The following GDPD1 variants were observed in gnomAD, a reference collection of about 807,000 sequenced individuals.
GDPD1 encodes lysophospholipase D GDPD1.
GDPD1 carries 28 observed loss-of-function variants against 45.1 expected under a neutral mutation model. The ratio of observed to expected loss-of-function variants is 0.62; its 90% confidence interval spans 0.46 to 0.85. The LOEUF is 0.85. GDPD1 is among the 40% of genes least tolerant of loss of function. The pLI, the probability that GDPD1 is intolerant of heterozygous loss-of-function variation, is 0.00. For synonymous variants in GDPD1, 139 were observed against 131.4 expected (o/e 1.06, Z -0.40); for missense variants, 256 against 364.8 (o/e 0.70, Z 2.43).
rs369834778 is a variant in GDPD1, at chr17:59,267,186, C to T, written c.710+12C>T. 9 of 1,601,988 alleles carry T rather than the reference C, an allele frequency of 5.6e-6. No individual in the cohort carries two copies. Among genetic ancestry groups the T allele is most frequent in the Non-Finnish European group, 7.7e-6 (9 of 1,174,398 alleles). Reference sequence around the variant, plus strand: ...TCTATTATACTGAAGTAAGTGGTTACCCTTTTATTTTAAAATCAATTATCA... The same window carrying T: ...TCTATTATACTGAAGTAAGTGGTTATCCTTTTATTTTAAAATCAATTATCA... On this transcript the variant is annotated intron_variant, in intron 7 of 9. Coordinates refer to ENST00000284116, the MANE Select transcript of GDPD1 (RefSeq NM_182569.4).
intron 6 of GDPD1, among the ~76,000 whole-genome samples, chr17:59,261,519 C>CA (rs1315992735): frequency 6.6e-6 from 1 of 151,538 alleles, no homozygotes; most frequent in African/African-American, 2.4e-5. Context: ...TTATTTAAAA[C>CA]AAGGACTTGC....
intron 5 of GDPD1, among the ~76,000 whole-genome samples, chr17:59,257,496 C>G (rs182563068): frequency 9.2e-5 from 14 of 152,248 alleles, no homozygotes; most frequent in Admixed American, 2.0e-4. Context: ...TAATTATCTT[C>G]TAGTTTAACT....
rs146284668 is a variant in GDPD1, at chr17:59,268,305, G to A, written c.710+1131G>A. The stretch of plus-strand genomic sequence containing the variant: ...GAAAACACTTTTCATGGCCGGGCGC[G>A]GTGGCTCACGCCTGTAATCCCAGCA... On this transcript the variant is annotated intron_variant, in intron 7 of 9. Transcript: ENST00000284116. 5.2e-3 allele frequency among the ~76,000 whole-genome samples: 787 copies of A among 151,984 alleles called. 11 individuals carry two copies. The highest frequency in any genetic ancestry group is 0.018 in the African/African-American group (744 of 41,498).
chr17:59,256,271 C>G (rs1187554816), intron 4 of GDPD1, among the ~76,000 whole-genome samples: 1 of 151,894 alleles, frequency 6.6e-6, no homozygotes, highest in East Asian at 1.9e-4. Context: ...GAGCTGAGAT[C>G]GTGTCACTGC....
At chr17:59,255,598 C>A (rs1356626637) in intron 4 of GDPD1, among the ~76,000 whole-genome samples, 1 of 148,932 alleles carries the variant, frequency 6.7e-6, no homozygotes, top group Non-Finnish European at 1.5e-5. Context: ...AAAAAATTAG[C>A]CAGGTGTGGT....
chr17:59,221,673 T>C (rs961045328), intron 1 of GDPD1, among the ~76,000 whole-genome samples: 9 of 152,170 alleles, frequency 5.9e-5, no homozygotes, highest in Admixed American at 2.6e-4. Flanking sequence ...ATAATGTGTC[T>C]TCATTGCATT....
At position 59,245,471 on chromosome 17, in the gene GDPD1, A is replaced by G. The variant is rs1377236376; in HGVS notation, c.243A>G (p.Glu81=). Residue 81 remains glutamate (E), a synonymous_variant, in exon 3 of 10, where the codon GAA becomes GAG. Transcript: ENST00000284116. The stretch of plus-strand genomic sequence containing the variant: ...TGGACTGCCATATCACAAAAGATGA[A>G]CAAGTTGTAGTGTCACATGATGAGA... ...LELDCHITKD[E]QVVVSHDENL... 1.2e-6 allele frequency: 2 copies of G among 1,610,762 alleles called. No homozygotes were observed. The highest frequency in any genetic ancestry group is 1.7e-5 in the Admixed American group (1 of 59,972).
chr17:59,259,566 C>CAAAAAAA (rs71367681), intron 6 of GDPD1, among the ~76,000 whole-genome samples: 5 of 24,850 alleles, frequency 2.0e-4, no homozygotes, highest in African/African-American at 7.2e-4. Context: ...GACTCTGTCT[C>CAAAAAAA]AAAAAAAAAA....
chr17:59,261,241 C>G (rs1440577442), intron 6 of GDPD1, among the ~76,000 whole-genome samples: 1 of 152,124 alleles, frequency 6.6e-6, no homozygotes, highest in African/African-American at 2.4e-5. Context: ...GCTGGTATTA[C>G]AAGTGTAAGC....
At chr17:59,265,387 A>T (rs1459021568) in intron 6 of GDPD1, among the ~76,000 whole-genome samples, 3 of 151,406 alleles carry the variant, frequency 2.0e-5, no homozygotes, top group Non-Finnish European at 2.9e-5. Flanking sequence ...ATTTTTAAAA[A>T]ATTAGCTCGG....
In GDPD1 at chr17:59,220,519, C is replaced by T; in HGVS notation, c.-91C>T. 6.9e-7 allele frequency: 1 copy of T among 1,445,210 alleles called. No homozygotes were observed. Among genetic ancestry groups the T allele is most frequent in the Non-Finnish European group, 9.5e-7 (1 of 1,056,104 alleles). 89.5% of individuals were successfully genotyped at this position (1,445,210 alleles called of 1,614,324 possible). On this transcript the variant is annotated 5_prime_UTR_variant, in exon 1 of 10. Coordinates refer to ENST00000284116, the MANE Select transcript of GDPD1 (RefSeq NM_182569.4). ...TGGCACCGGCTGGGGGCGAGCCGACCTCGAGCAGCCGCCGCCGCCGCCGTC... is the reference window on the plus strand; with the variant it reads ...TGGCACCGGCTGGGGGCGAGCCGACTTCGAGCAGCCGCCGCCGCCGCCGTC...
chr17:59,270,111 T>A (rs2047433260), intron 7 of GDPD1, among the ~76,000 whole-genome samples: 1 of 152,140 alleles, frequency 6.6e-6, no homozygotes, highest in African/African-American at 2.4e-5. Context: ...TTTGAGCTAC[T>A]AAATCCCTAA....
At chr17:59,258,276 T>G (rs1372729213) in intron 6 of GDPD1, among the ~76,000 whole-genome samples, 1 of 147,772 alleles carries the variant, frequency 6.8e-6, no homozygotes, top group Non-Finnish European at 1.5e-5. Context: ...CCGGGCGCAG[T>G]GGCTCACGCC....
intron 4 of GDPD1, among the ~76,000 whole-genome samples, chr17:59,255,757 A>T (rs2048033073): frequency 1.2e-5 from 1 of 85,526 alleles, no homozygotes; most frequent in African/African-American, 7.4e-5. Context: ...AAAAAAAAAA[A>T]AAAAAATATA....
chr17:59,273,576 T>C, intron 9 of GDPD1, 75 bp from the exon 10 acceptor site: 2 of 755,176 alleles, frequency 2.6e-6, no homozygotes, highest in South Asian at 2.3e-5. Context: ...AAGACTGTAG[T>C]GGATAAATAC....
intron 6 of GDPD1, among the ~76,000 whole-genome samples, chr17:59,262,776 C>T (rs1261886862): frequency 1.3e-5 from 2 of 151,870 alleles, no homozygotes; most frequent in Admixed American, 1.3e-4. Flanking sequence ...TACAGGCGCC[C>T]GCCACTAAGC....
At chr17:59,272,980 G>A in intron 9 of GDPD1, 144 bp downstream of exon 9, 1 of 1,540,084 alleles carries the variant, frequency 6.5e-7, no homozygotes, top group South Asian at 1.2e-5. Context: ...AGGACCTTAA[G>A]CTCTTCCTTA....
chr17:59,269,178 T>C (rs2047424889), intron 7 of GDPD1, among the ~76,000 whole-genome samples: 1 of 151,872 alleles, frequency 6.6e-6, no homozygotes, highest in Non-Finnish European at 1.5e-5. Context: ...ACACCTGTAA[T>C]CTCAGTTACT....
intron 1 of GDPD1, among the ~76,000 whole-genome samples, chr17:59,229,517 G>A (rs928909248): frequency 4.6e-5 from 7 of 150,888 alleles, no homozygotes; most frequent in East Asian, 2.0e-4. Context: ...GAGCCACTGC[G>A]CCTGGCCTAA....
Sources: gnomAD v4.1 joint callset for allele counts (sites outside exome capture counted in the v4.1 genomes callset) on GRCh38, gnomAD v4.1.1 for gene constraint, MANE v1.5 for transcripts, NCBI Gene and HGNC (gene_info 2026-07-23, HGNC 2026-07-21) for gene names.